Variants in MIIP observed in about 807,000 individuals in gnomAD.
MIIP encodes migration and invasion inhibitory protein.
MIIP carries 44 observed loss-of-function variants against 44.8 expected under a neutral mutation model. That is an observed-to-expected ratio of 0.98 (90% CI 0.77 to 1.26). The LOEUF (loss-of-function observed/expected upper bound fraction) is 1.26. Among genes scored for constraint, MIIP ranks in the 50% most tolerant of loss-of-function variants. The pLI is 0.00. For missense variants in MIIP, 496 were observed against 511.7 expected, an observed-to-expected ratio of 0.97 and a Z score of 0.30; for synonymous variants, 225 against 218.3, an observed-to-expected ratio of 1.03 and a Z score of -0.27.
chr1:12,023,946 A>G (rs1640046216), intron 4 of MIIP: 1 of 152,140 alleles, frequency 6.6e-6, no homozygotes, highest in Non-Finnish European at 1.5e-5. Flanking sequence ...GTGAGCCGAT[A>G]TTGCACCACT....
chr1:12,030,968 G>A (rs887937694), intron 8 of MIIP, among the ~76,000 whole-genome samples: 53 of 152,222 alleles, frequency 3.5e-4, no homozygotes, highest in African/African-American at 1.2e-3. Flanking sequence ...GTGAGGTGGG[G>A]CTGTTGAGTG....
rs560838711 is a variant in MIIP, at chr1:12,029,065, C to T, written c.580C>T (p.Gln194Ter). 4.3e-6 allele frequency: 7 copies of T among 1,614,204 alleles called. No homozygotes were observed. The South Asian group carries it at 5.5e-5, about 13-fold the overall frequency. ...GGACACCAGCTCTTCCATCACCAGC[C>T]AGCCTGAGGCCTTCTTCTCCAAGCT... ...SLDTSSSITSQPEAFFSKLQE... is the reference protein window; with the variant it reads ...SLDTSSSITS Residue 194 changes from glutamine to a stop codon, truncating the protein, a stop_gained, in exon 5 of 10, where the codon CAG becomes TAG. Coordinates refer to ENST00000235332, the MANE Select transcript of MIIP (RefSeq NM_021933.4). LOFTEE classifies it high-confidence loss of function.
intron 4 of MIIP, chr1:12,028,758 T>C (rs1032338644): frequency 6.4e-6 from 3 of 470,024 alleles, no homozygotes; most frequent in Non-Finnish European, 1.2e-5. Flanking sequence ...GTCTGTCTAG[T>C]TCCTGGCACA....
chr1:12,029,191 C>T (rs1216710444), intron 5 of MIIP, 32 bp from the exon 6 acceptor site: 12 of 1,613,342 alleles, frequency 7.4e-6, no homozygotes, highest in African/African-American at 1.3e-5. Flanking sequence ...CGGCTCCATC[C>T]CCCGGCCTGC....
intron 3 of MIIP, 71 bp from the exon 4 acceptor site, chr1:12,022,762 C>A: frequency 8.4e-7 from 1 of 1,187,626 alleles, no homozygotes; most frequent in Non-Finnish European, 1.2e-6. Flanking sequence ...TCTCTCTGTC[C>A]CTCGAATTGC....
chr1:12,031,092 A>C, intron 8 of MIIP, 174 bp from the exon 9 acceptor site: 1 of 739,016 alleles, frequency 1.4e-6, no homozygotes, highest in Non-Finnish European at 2.2e-6. Flanking sequence ...GGATGGCTGG[A>C]TCTGCCAGGA....
intron 9 of MIIP, 37 bp downstream of exon 9, chr1:12,031,440 CT>C (rs1420463523): frequency 6.3e-7 from 1 of 1,598,564 alleles, no homozygotes; most frequent in South Asian, 1.1e-5. Context: ...GGGGTGCCCC[CT>C]AGAGGGACAG....
chr1:12,031,218 G>T lies in MIIP; in HGVS notation c.943-48G>T, dbSNP rs532750016. The T allele has an allele frequency of 8.2e-6, 13 of 1,584,176 alleles. No individual in the cohort carries two copies. In the East Asian group the frequency reaches 2.7e-4, roughly 33 times the overall value. On this transcript the variant is annotated intron_variant, in intron 8 of 9. Transcript: ENST00000235332. ...CCTGATGGGGGTGTGCCCAGTCAGC[G>T]GGGAGCTTGTCCCAGGTCAGGCACT...
At chr1:12,030,744 C>T (rs1312612518) in intron 8 of MIIP, among the ~76,000 whole-genome samples, 4 of 146,150 alleles carry the variant, frequency 2.7e-5, no homozygotes, top group Admixed American at 2.7e-4. Flanking sequence ...CACTGCACTG[C>T]AGCCTGGGTG....
At chr1:12,020,388 GA>G (rs1213676610) in intron 1 of MIIP, among the ~76,000 whole-genome samples, 1 of 152,016 alleles carries the variant, frequency 6.6e-6, no homozygotes, top group Non-Finnish European at 1.5e-5. Context: ...AGTGAGCCAA[GA>G]AAAAAAGGAA....
Position 12,031,160 on chromosome 1 carries a change from G to A in MIIP, c.943-106G>A, listed in dbSNP as rs985252712. 4.3e-6 allele frequency: 6 copies of A among 1,381,130 alleles called. No homozygotes were observed. The African/African-American group carries it at 8.7e-5, about 20-fold the overall frequency. 85.6% of individuals were successfully genotyped at this position (1,381,130 alleles called of 1,614,324 possible). Reference sequence around the variant, plus strand: ...GTAGACACAGGCCCTGCCTTGGTGGGGGCCTCCTTCCTAATGGGGGGCACA... The same window carrying A: ...GTAGACACAGGCCCTGCCTTGGTGGAGGCCTCCTTCCTAATGGGGGGCACA... On this transcript the variant is annotated intron_variant, in intron 8 of 9. Coordinates refer to ENST00000235332, the MANE Select transcript of MIIP (RefSeq NM_021933.4).
chr1:12,023,893 C>G (rs1190801740), intron 4 of MIIP: 1 of 152,078 alleles, frequency 6.6e-6, no homozygotes, highest in Non-Finnish European at 1.5e-5. Context: ...ACTTGGGAGG[C>G]TGAGGCAAGA....
intron 8 of MIIP, among the ~76,000 whole-genome samples, chr1:12,030,329 G>T (rs1188659077): frequency 2.6e-5 from 4 of 152,124 alleles, no homozygotes; most frequent in African/African-American, 9.7e-5. Flanking sequence ...GTGCTTCCAG[G>T]GTGATCTGCC....
chr1:12,029,561 G>T, intron 6 of MIIP: 1 of 754,368 alleles, frequency 1.3e-6, no homozygotes, highest in South Asian at 1.9e-5. Flanking sequence ...CCCAGCTCCT[G>T]AGGGCCCCAG....
intron 2 of MIIP, 99 bp downstream of exon 2, chr1:12,021,939 C>A: frequency 1.6e-6 from 2 of 1,238,204 alleles, no homozygotes; most frequent in Non-Finnish European, 2.3e-6. Flanking sequence ...ACCCATTTTA[C>A]TGATGATGGG....
At chr1:12,030,187 C>A in intron 8 of MIIP, 63 bp downstream of exon 8, 1 of 1,509,744 alleles carries the variant, frequency 6.6e-7, no homozygotes, top group African/African-American at 1.4e-5. Context: ...GGCCCAGATC[C>A]CCAGGGAGGG....
chr1:12,031,770 C>A lies in MIIP; in HGVS notation c.1129C>A (p.Gln377Lys). The A allele has an allele frequency of 1.2e-6, 2 of 1,614,084 alleles. No homozygotes were observed. The highest frequency in any genetic ancestry group is 1.7e-6 in the Non-Finnish European group (2 of 1,179,976). ...CCCGACCCCGACCTGGTCAGTGCCC[C>A]AGGTCCCTCGGCCCCACGTCCCACG... is the stretch of plus-strand genomic sequence containing the variant. The part of the protein sequence containing the change: ...LPPTPTWSVP[Q>K]VPRPHVPRQK... Residue 377 changes from glutamine to lysine, a missense_variant, in exon 10 of 10, where the codon CAG becomes AAG. Physicochemically the swap from Gln to Lys is moderately conservative, Grantham distance 53. Transcript: ENST00000235332.
At chr1:12,026,148 T>C (rs1293979911) in intron 4 of MIIP, among the ~76,000 whole-genome samples, 1 of 151,940 alleles carries the variant, frequency 6.6e-6, no homozygotes, top group Non-Finnish European at 1.5e-5. Context: ...CTACTAAAAA[T>C]ACAAAAATTA....
Position 12,021,741 on chromosome 1 carries a change from G to A in MIIP, c.15G>A (p.Glu5=), listed in dbSNP as rs767991366. ...AGAGGCCCAGGATGGTGGAGGCTGAGGAACTGGCACAGCTGCGGCTGCTCA... is the reference window on the plus strand; with the variant it reads ...AGAGGCCCAGGATGGTGGAGGCTGAAGAACTGGCACAGCTGCGGCTGCTCA... MVEA[E]ELAQLRLLNL... is the part of the protein sequence containing the mutation. Residue 5 remains glutamate (E), a synonymous_variant, in exon 2 of 10, where the codon GAG becomes GAA. Transcript: ENST00000235332. 4.3e-6 allele frequency: 7 copies of A among 1,612,982 alleles called. No homozygotes were observed. The highest frequency in any genetic ancestry group is 1.7e-6 in the Non-Finnish European group (2 of 1,179,980).
Sources: allele counts gnomAD v4.1 joint callset (sites outside exome capture counted in the v4.1 genomes callset), GRCh38; gene constraint gnomAD v4.1.1; transcripts MANE v1.5; gene names NCBI Gene and HGNC (gene_info 2026-07-23, HGNC 2026-07-21).